The following CYP27A1 variants were observed in gnomAD, a reference collection of about 807,000 sequenced individuals.
CYP27A1 encodes the protein cytochrome P450 family 27 subfamily A member 1, also known as sterol 26-hydroxylase, mitochondrial.
CYP27A1 carries 46 observed loss-of-function variants against 58.2 expected under a neutral mutation model. That is an observed-to-expected ratio of 0.79 (90% CI 0.62 to 1.01). The LOEUF is 1.01. CYP27A1 is among the 50% of genes least tolerant of loss of function. The pLI is 0.00. For missense variants in CYP27A1, 704 were observed against 687.0 expected, an observed-to-expected ratio of 1.02 and a Z score of -0.28; for synonymous variants, 274 against 285.1, an observed-to-expected ratio of 0.96 and a Z score of 0.39.
intron 1 of CYP27A1, 124 bp from the exon 2 acceptor site, chr2:218,809,442 CTTTTTTTTTTT>C (rs57956133): frequency 1.1e-5 from 4 of 370,616 alleles, no homozygotes; most frequent in Admixed American, 4.0e-5. Context: ...ACACAATGCC[CTTTTTTTTTTT>C]TTTTTTTTTT....
intron 3 of CYP27A1, 32 bp downstream of exon 3, chr2:218,812,453 G>A (rs754361599): frequency 1.5e-5 from 25 of 1,613,228 alleles, no homozygotes; most frequent in Middle Eastern, 1.6e-4. Flanking sequence ...CTGGGGAAGG[G>A]AATGGGTCAG....
intron 1 of CYP27A1, among the ~76,000 whole-genome samples, chr2:218,794,161 G>A (rs1250503365): frequency 6.6e-6 from 1 of 152,174 alleles, no homozygotes; most frequent in African/African-American, 2.4e-5. Flanking sequence ...CTGCAAACGG[G>A]TAAACCTCCC....
At chr2:218,794,489 A>T (rs1471008466) in intron 1 of CYP27A1, among the ~76,000 whole-genome samples, 4 of 152,158 alleles carry the variant, frequency 2.6e-5, no homozygotes, top group African/African-American at 9.7e-5. Flanking sequence ...AACATGTATC[A>T]AAAGGAGAAA....
intron 1 of CYP27A1, among the ~76,000 whole-genome samples, chr2:218,789,585 C>T (rs1943471854): frequency 6.6e-6 from 1 of 152,180 alleles, no homozygotes; most frequent in Non-Finnish European, 1.5e-5. Flanking sequence ...TGGTGATTGG[C>T]ACAAGAGTAG....
rs920069457 is a variant in CYP27A1, at chr2:218,789,507, T to G, written c.255+7070T>G. On this transcript the variant is annotated intron_variant, in intron 1 of 8. Transcript: ENST00000258415. ...TGAGGTACAGAAACAGCCGGATTGATTACAGCTTGGCATTAGCCTAATTTG... is the reference window on the plus strand; with the variant it reads ...TGAGGTACAGAAACAGCCGGATTGAGTACAGCTTGGCATTAGCCTAATTTG... Among the ~76,000 whole-genome samples, 19 of 152,332 alleles carry G rather than the reference T, an allele frequency of 1.2e-4. 1 individual carries two copies. Among genetic ancestry groups the G allele is most frequent in the African/African-American group, 4.6e-4 (19 of 41,580 alleles).
chr2:218,803,722 C>CA (rs555863318), intron 1 of CYP27A1, among the ~76,000 whole-genome samples: 1 of 57,750 alleles, frequency 1.7e-5, no homozygotes, highest in East Asian at 4.8e-4. Context: ...GTGCCCCCGT[C>CA]TTTTTTTTTT....
chr2:218,784,713 T>C (rs1009025221), intron 1 of CYP27A1, among the ~76,000 whole-genome samples: 1 of 152,262 alleles, frequency 6.6e-6, no homozygotes, highest in Non-Finnish European at 1.5e-5. Flanking sequence ...CTTTTAACTT[T>C]GGAGCACTGA....
At chr2:218,785,945 A>G (rs1208758295) in intron 1 of CYP27A1, among the ~76,000 whole-genome samples, 2 of 152,172 alleles carry the variant, frequency 1.3e-5, no homozygotes, top group African/African-American at 4.8e-5. Flanking sequence ...CCAATAGTTG[A>G]GTGTCCTTCA....
intron 1 of CYP27A1, among the ~76,000 whole-genome samples, chr2:218,794,901 C>G (rs569672314): frequency 1.1e-4 from 16 of 152,236 alleles, no homozygotes; most frequent in African/African-American, 3.9e-4. Context: ...CCTTCTCTTC[C>G]TAGCAAATAT....
At chr2:218,791,498 A>T (rs188748086) in intron 1 of CYP27A1, among the ~76,000 whole-genome samples, 3 of 152,352 alleles carry the variant, frequency 2.0e-5, no homozygotes, top group Admixed American at 6.5e-5. Context: ...AAATTGAAAG[A>T]TAAGAGTCTC....
Position 218,815,072 on chromosome 2 carries a change from G to C in CYP27A1, c.*42G>C. On this transcript the variant is annotated 3_prime_UTR_variant, in exon 9 of 9. Transcript: ENST00000258415. ...GCTGGGGCTTGTCCTAGAGGCTCCA[G>C]CTCTGGCACAGTGGTTCCTGGCTGC... The C allele has an allele frequency of 6.2e-7, 1 of 1,613,514 alleles. No homozygotes were observed. Among genetic ancestry groups the C allele is most frequent in the South Asian group, 1.1e-5 (1 of 90,916 alleles).
At chr2:218,810,721 CA>C (rs1943703936) in intron 2 of CYP27A1, among the ~76,000 whole-genome samples, 1 of 152,170 alleles carries the variant, frequency 6.6e-6, no homozygotes, top group Non-Finnish European at 1.5e-5. Context: ...GAAGTCCCAA[CA>C]AATAGGTCTA....
chr2:218,784,549 A>G (rs1943425066), intron 1 of CYP27A1, among the ~76,000 whole-genome samples: 1 of 152,232 alleles, frequency 6.6e-6, no homozygotes, highest in African/African-American at 2.4e-5. Context: ...AATGTTAACT[A>G]TACTATTTTA....
intron 5 of CYP27A1, among the ~76,000 whole-genome samples, chr2:218,813,310 ACCTCCTGGAG>A (rs1428003943): frequency 6.6e-6 from 1 of 152,100 alleles, no homozygotes; most frequent in Non-Finnish European, 1.5e-5. Context: ...GGATGCCATC[ACCTCCTGGAG>A]CCTCCTCACT....
intron 1 of CYP27A1, among the ~76,000 whole-genome samples, chr2:218,783,504 G>T (rs754523537): frequency 4.6e-5 from 7 of 152,160 alleles, no homozygotes; most frequent in Non-Finnish European, 8.8e-5. Flanking sequence ...TCTTCCTAAT[G>T]ACTATCAACA....
In CYP27A1 at chr2:218,815,131, G is replaced by C; in HGVS notation, c.*101G>C. 1 of 1,463,758 alleles carries C rather than the reference G, an allele frequency of 6.8e-7. No individual in the cohort carries two copies. The highest frequency in any genetic ancestry group is 9.5e-7 in the Non-Finnish European group (1 of 1,054,068). The allele number at this position is 1,463,758 out of a possible 1,614,324, so 90.7% of individuals were successfully genotyped here. On this transcript the variant is annotated 3_prime_UTR_variant, in exon 9 of 9. Transcript: ENST00000258415. Reference sequence around the variant, plus strand: ...CTCAGATGAGGAGGGAGAGAAGGAGGCCGCCAGACTCGAGAGGTGGGAGGA... The same window carrying C: ...CTCAGATGAGGAGGGAGAGAAGGAGCCCGCCAGACTCGAGAGGTGGGAGGA...
chr2:218,790,790 C>T lies in CYP27A1; in HGVS notation c.255+8353C>T, dbSNP rs528880292. ...TCGGCTCACTGCAAGCTCCACCTCC[C>T]GGGTTCACGCCATTCTCCTGCCTCA... is the stretch of plus-strand genomic sequence containing the variant. On this transcript the variant is annotated intron_variant, in intron 1 of 8. Coordinates refer to ENST00000258415, the MANE Select transcript of CYP27A1 (RefSeq NM_000784.4). Among the ~76,000 whole-genome samples, 12 of 152,002 alleles carry T rather than the reference C, an allele frequency of 7.9e-5. No homozygotes were observed. In the South Asian group the frequency reaches 1.0e-3, roughly 13 times the overall value.
At chr2:218,803,466 G>A (rs1324006065) in intron 1 of CYP27A1, among the ~76,000 whole-genome samples, 1 of 151,612 alleles carries the variant, frequency 6.6e-6, no homozygotes, top group Non-Finnish European at 1.5e-5. Flanking sequence ...TCGTTCTATT[G>A]CCAGGCTGGA....
At chr2:218,784,739 G>T (rs1478555277) in intron 1 of CYP27A1, among the ~76,000 whole-genome samples, 1 of 152,190 alleles carries the variant, frequency 6.6e-6, no homozygotes, top group African/African-American at 2.4e-5. Flanking sequence ...TTTTTCTGGA[G>T]TGTGTGCTTC....
Sources: gnomAD v4.1 joint callset for allele counts (sites outside exome capture counted in the v4.1 genomes callset) on GRCh38, gnomAD v4.1.1 for gene constraint, MANE v1.5 for transcripts, NCBI Gene and HGNC (gene_info 2026-07-23, HGNC 2026-07-21) for gene names.